CRYBG3: variants seen among roughly 807,000 people sequenced by gnomAD.
CRYBG3 encodes crystallin beta-gamma domain containing 3.
Under a neutral mutation model 244.2 loss-of-function variants are expected in CRYBG3, and 127 were observed. The ratio of observed to expected loss-of-function variants is 0.52; its 90% CI spans 0.45 to 0.60. The LOEUF (loss-of-function observed/expected upper bound fraction) is 0.60, where lower values mean the gene tolerates loss of function less well. CRYBG3 is among the 20% of genes least tolerant of loss of function. CRYBG3 has a pLI of 0.00. For synonymous variants in CRYBG3, 1,132 were observed against 1,195.8 expected (o/e 0.95, Z 1.10); for missense variants, 3,325 against 3,442.5 (o/e 0.97, Z 0.85).
intron 3 of CRYBG3, among the ~76,000 whole-genome samples, chr3:97,868,084 C>T (rs369792403): frequency 2.0e-5 from 3 of 152,172 alleles, no homozygotes; most frequent in Middle Eastern, 3.4e-3. Context: ...GAGATCGAGA[C>T]CATCCTGGCT....
In CRYBG3 at chr3:97,875,123, A is replaced by T; in HGVS notation, c.3929A>T (p.Asn1310Ile). Reference sequence around the variant, plus strand: ...GAAGATAAAGCTAGGGAATTAGTCAATGAGATTATTTATGTAGCCCAAGAA... The same window carrying T: ...GAAGATAAAGCTAGGGAATTAGTCATTGAGATTATTTATGTAGCCCAAGAA... ...LLEDKARELV[N>I]EIIYVAQEKL... Residue 1310 changes from asparagine to isoleucine, a missense_variant, in exon 4 of 22, where the codon AAT becomes ATT. This residue lies in a region of CRYBG3 where 635 missense variants were observed against 771.7 expected (regional missense o/e 0.82). Coordinates refer to ENST00000389622, the MANE Select transcript of CRYBG3 (RefSeq NM_153605.4). 6.5e-7 allele frequency: 1 copy of T among 1,534,956 alleles called. No homozygotes were observed. Among genetic ancestry groups the T allele is most frequent in the Non-Finnish European group, 8.7e-7 (1 of 1,146,134 alleles).
At chr3:97,923,738 T>C (rs1044002955) in intron 17 of CRYBG3, among the ~76,000 whole-genome samples, 31 of 152,140 alleles carry the variant, frequency 2.0e-4, no homozygotes, top group African/African-American at 7.0e-4. Context: ...TTAAGGGTAC[T>C]TATAAATAAA....
chr3:97,923,549 T>C (rs897940663), intron 17 of CRYBG3, among the ~76,000 whole-genome samples: 1 of 151,864 alleles, frequency 6.6e-6, no homozygotes, highest in East Asian at 1.9e-4. Context: ...CCACTACTAT[T>C]CGGTATTCTG....
At chr3:97,879,193 A>G (rs1001207076) in intron 4 of CRYBG3, among the ~76,000 whole-genome samples, 3 of 151,864 alleles carry the variant, frequency 2.0e-5, no homozygotes, top group Non-Finnish European at 4.4e-5. Context: ...GTCTCCCCAC[A>G]CTCTGGGTGC....
At chr3:97,940,826 T>C (rs1002396092) in intron 19 of CRYBG3, among the ~76,000 whole-genome samples, 1 of 151,836 alleles carries the variant, frequency 6.6e-6, no homozygotes, top group Non-Finnish European at 1.5e-5. Context: ...GGACACACTA[T>C]TGAATGAAAC....
chr3:97,876,633 G>A lies in CRYBG3; in HGVS notation c.5439G>A (p.Glu1813=), dbSNP rs1239804919. The A allele has an allele frequency of 2.4e-6, 3 of 1,235,336 alleles. No individual in the cohort carries two copies. The highest frequency in any genetic ancestry group is 3.0e-6 in the Non-Finnish European group (3 of 990,238). The allele number at this position is 1,235,336 out of a possible 1,614,324, so 76.5% of individuals were successfully genotyped here. Reference sequence around the variant, plus strand: ...TGTTAAAAGTGAAGGAAGCACACGAGACAGCACCTGCCCCCTTAGAAATGG... The same window carrying A: ...TGTTAAAAGTGAAGGAAGCACACGAAACAGCACCTGCCCCCTTAGAAATGG... ...PCVLKVKEAH[E]TAPAPLEMEK... The change falls in exon 4 of 22, where the codon GAG becomes GAA. Residue 1813 remains glutamate, a synonymous_variant. Transcript: ENST00000389622.
In CRYBG3 at chr3:97,871,871, C is replaced by G. The variant is rs764305752; in HGVS notation, c.677C>G (p.Ser226Ter). Residue 226 changes from serine (S) to a stop codon, truncating the protein, a stop_gained, in exon 4 of 22, where the codon TCA (serine) becomes TGA (stop). Coordinates refer to ENST00000389622, the MANE Select transcript of CRYBG3 (RefSeq NM_153605.4). LOFTEE classifies it high-confidence loss of function. Reference sequence around the variant, plus strand: ...ATCGATGGTAAACCAGAGAAGCCTTCAGTAACATATGCAACATATCGAGGC... The same window carrying G: ...ATCGATGGTAAACCAGAGAAGCCTTGAGTAACATATGCAACATATCGAGGC... Reference protein sequence around the residue: ...KQIDGKPEKPSVTYATYRGPR... With the variant: ...KQIDGKPEKP 5 of 1,513,820 alleles carry G rather than the reference C, an allele frequency of 3.3e-6. No individual in the cohort carries two copies. The highest frequency in any genetic ancestry group is 4.4e-6 in the Non-Finnish European group (5 of 1,140,374). 93.8% of individuals were successfully genotyped at this position (1,513,820 alleles called of 1,614,324 possible).
intron 19 of CRYBG3, among the ~76,000 whole-genome samples, chr3:97,940,869 C>T (rs1013677037): frequency 6.6e-6 from 1 of 151,950 alleles, no homozygotes; most frequent in Non-Finnish European, 1.5e-5. Context: ...CCACCCCACT[C>T]CTCACCACAT....
chr3:97,924,465 C>T (rs2040017655), intron 17 of CRYBG3: 2 of 437,168 alleles, frequency 4.6e-6, no homozygotes, highest in Admixed American at 2.6e-5. Context: ...TTACTGTAAA[C>T]TTAGTAGCTT....
intron 3 of CRYBG3, 22 bp downstream of exon 3, chr3:97,864,669 A>T: frequency 3.4e-6 from 5 of 1,487,278 alleles, no homozygotes; most frequent in Non-Finnish European, 3.6e-6. Context: ...ATTTCATTGA[A>T]CCAAAAAAAA....
chr3:97,844,737 A>G (rs1447656209), intron 2 of CRYBG3, among the ~76,000 whole-genome samples: 2 of 152,200 alleles, frequency 1.3e-5, no homozygotes, highest in Non-Finnish European at 2.9e-5. Flanking sequence ...TGAAAGTTAC[A>G]TCTTTGTGGA....
intron 16 of CRYBG3, among the ~76,000 whole-genome samples, chr3:97,913,208 G>A (rs971493837): frequency 1.3e-5 from 2 of 152,056 alleles, no homozygotes; most frequent in Non-Finnish European, 2.9e-5. Flanking sequence ...ATTCCCAGCC[G>A]TTTTCTAGTA....
intron 1 of CRYBG3, among the ~76,000 whole-genome samples, chr3:97,827,613 A>G (rs2038595068): frequency 6.6e-6 from 1 of 152,188 alleles, no homozygotes; most frequent in Non-Finnish European, 1.5e-5. Flanking sequence ...ACAAAAACAA[A>G]CTAACCTTTA....
rs1190425709 is a variant in CRYBG3 at position 97,876,751 on chromosome 3, C to T, written c.5557C>T (p.Arg1853Cys). The T allele has an allele frequency of 2.4e-6, 3 of 1,255,584 alleles. No individual in the cohort carries two copies. Among genetic ancestry groups the T allele is most frequent in the Non-Finnish European group, 3.0e-6 (3 of 1,002,712 alleles). The allele number at this position is 1,255,584 out of a possible 1,614,324, so 77.8% of individuals were successfully genotyped here. A position where few individuals can be genotyped will look rare whatever the true frequency, so the allele number is the denominator to read the frequency against. Residue 1853 changes from arginine to cysteine, a missense_variant, in exon 4 of 22, where the codon CGT becomes TGT. By Grantham distance (180) the Arg-to-Cys change is radical. Transcript: ENST00000389622. ...AATGGAAAAAATATCCCCAGAAGATCGTGGTGAGAATATTGGGAAACACAA... is the reference window on the plus strand; with the variant it reads ...AATGGAAAAAATATCCCCAGAAGATTGTGGTGAGAATATTGGGAAACACAA... The part of the protein sequence containing the change: ...IEMEKISPED[R>C]GENIGKHKVL...
intron 15 of CRYBG3, among the ~76,000 whole-genome samples, chr3:97,907,839 A>C (rs1248622055): frequency 2.0e-5 from 3 of 150,524 alleles, no homozygotes; most frequent in African/African-American, 7.3e-5. Context: ...TTGTGATGTT[A>C]GGGTGTCAAT....
chr3:97,933,494 T>C (rs2040121210), intron 17 of CRYBG3, 200 bp from the exon 18 acceptor site: 2 of 658,768 alleles, frequency 3.0e-6, no homozygotes, highest in Non-Finnish European at 5.4e-6. Flanking sequence ...ACTTGAATTT[T>C]AGTTTACAAA....
intron 1 of CRYBG3, among the ~76,000 whole-genome samples, chr3:97,840,486 C>A (rs887530555): frequency 5.9e-5 from 9 of 151,996 alleles, no homozygotes; most frequent in African/African-American, 1.9e-4. Flanking sequence ...CCATTGTTTG[C>A]TCAGTACTTA....
intron 1 of CRYBG3, among the ~76,000 whole-genome samples, chr3:97,823,514 T>C (rs951361541): frequency 1.3e-5 from 2 of 152,232 alleles, no homozygotes; most frequent in African/African-American, 2.4e-5. Flanking sequence ...CCAAGAAAGC[T>C]CCTACGATAA....
rs2039349691 is a variant in CRYBG3, at chr3:97,874,710, T to C, written c.3516T>C (p.Ser1172=). 3 of 1,535,670 alleles carry C rather than the reference T, an allele frequency of 2.0e-6. No individual in the cohort carries two copies. The highest frequency in any genetic ancestry group is 2.6e-6 in the Non-Finnish European group (3 of 1,146,760). Reference sequence around the variant, plus strand: ...TTAACAGCTCAGGCCAACAGTGTTCTGAAGCCTCTGCTGAGCACATAGAAG... The same window carrying C: ...TTAACAGCTCAGGCCAACAGTGTTCCGAAGCCTCTGCTGAGCACATAGAAG... The part of the protein sequence containing the change: ...ASVNSSGQQC[S]EASAEHIEAR... Residue 1172 remains serine, a synonymous_variant, in exon 4 of 22, where the codon TCT becomes TCC. Coordinates refer to ENST00000389622, the MANE Select transcript of CRYBG3 (RefSeq NM_153605.4).
Sources: allele counts gnomAD v4.1 joint callset (sites outside exome capture counted in the v4.1 genomes callset), GRCh38; gene constraint gnomAD v4.1.1; regional missense constraint gnomAD v4.1.1; transcripts MANE v1.5; gene names NCBI Gene and HGNC (gene_info 2026-07-23, HGNC 2026-07-21).